Variants in LGALS3 observed in about 807,000 individuals in gnomAD.
The protein encoded by LGALS3 is galectin-3.
LGALS3 carries 18 observed loss-of-function variants against 20.7 expected under a neutral mutation model. That is an observed-to-expected ratio of 0.87 (90% confidence interval 0.60 to 1.29). The LOEUF (loss-of-function observed/expected upper bound fraction) is 1.29, where lower values mean the gene tolerates loss of function less well. Among genes scored for constraint, LGALS3 ranks in the 50% most tolerant of loss-of-function variants. LGALS3 has a pLI of 0.00. For missense variants in LGALS3, 315 were observed against 314.7 expected, an observed-to-expected ratio of 1.00 and a Z score of -0.01; for synonymous variants, 112 against 119.6, an observed-to-expected ratio of 0.94 and a Z score of 0.42.
chr14:55,134,870 T>C (rs1433344406), intron 1 of LGALS3, among the ~76,000 whole-genome samples: 1 of 152,094 alleles, frequency 6.6e-6, no homozygotes, highest in Non-Finnish European at 1.5e-5. Context: ...AAAAGAGATG[T>C]GTGGCTGGAT....
chr14:55,137,409 GTTTC>G lies in LGALS3; in HGVS notation c.18+21_18+24del. ...ATTTTTCGGTAAGTGTTTTATGCCT[GTTTC>G]TTCCCCTTGATCAGCTCCACATGGT... On this transcript the variant is annotated intron_variant, in intron 2 of 5. Transcript: ENST00000254301. 6.2e-7 allele frequency: 1 copy of G among 1,614,180 alleles called. No individual in the cohort carries two copies. Among genetic ancestry groups the G allele is most frequent in the Non-Finnish European group, 8.5e-7 (1 of 1,180,002 alleles).
In LGALS3 at chr14:55,138,056, G is replaced by A. The variant is rs11538648; in HGVS notation, c.30G>A (p.Ala10=). The A allele has an allele frequency of 3.3e-3, 4,884 of 1,500,236 alleles. 12 individuals carry two copies. Among genetic ancestry groups the A allele is most frequent in the Non-Finnish European group, 4.0e-3 (4,478 of 1,125,298 alleles). 92.9% of individuals were successfully genotyped at this position (1,500,236 alleles called of 1,614,324 possible). A position where few individuals can be genotyped will look rare whatever the true frequency, so the allele number is the denominator to read the frequency against. The change falls in exon 3 of 6, where the codon GCG becomes GCA. Residue 10 remains alanine, a synonymous_variant. Coordinates refer to ENST00000254301, the MANE Select transcript of LGALS3 (RefSeq NM_002306.4). ...GTCTTTCTTTCCAGCTCCATGATGC[G>A]TTATCTGGGTCTGGAAACCCAAACC... is the stretch of plus-strand genomic sequence containing the variant. MADNFSLHD[A]LSGSGNPNPQ...
intron 3 of LGALS3, among the ~76,000 whole-genome samples, chr14:55,138,802 C>A (rs545567483): frequency 6.6e-6 from 1 of 152,172 alleles, no homozygotes; most frequent in South Asian, 2.1e-4. Context: ...GTAGAGGAAC[C>A]AGGGTAATCT....
chr14:55,137,914 A>C (rs1364796110), intron 2 of LGALS3, 131 bp from the exon 3 acceptor site: 1 of 1,334,204 alleles, frequency 7.5e-7, no homozygotes, highest in African/African-American at 1.5e-5. Flanking sequence ...TAAGTGGAAA[A>C]AGTTTAATGA....
At chr14:55,139,331 G>A (rs1881535469) in intron 3 of LGALS3, among the ~76,000 whole-genome samples, 1 of 152,146 alleles carries the variant, frequency 6.6e-6, no homozygotes, top group African/African-American at 2.4e-5. Flanking sequence ...GCCCAAACTG[G>A]GAACTCATGA....
At chr14:55,142,879 C>T (rs908873359) in intron 5 of LGALS3, 130 bp downstream of exon 5, 1 of 667,096 alleles carries the variant, frequency 1.5e-6, no homozygotes, top group African/African-American at 1.8e-5. Flanking sequence ...TATCTTCTCC[C>T]TGCCCAGGGG....
At position 55,140,326 on chromosome 14, in the gene LGALS3, A is replaced by C; in HGVS notation, c.394A>C (p.Ile132Leu). ...LPGGVVPRML[I>L]TILGTVKPNA... The stretch of plus-strand genomic sequence containing the variant: ...TGGGGGAGTGGTGCCTCGCATGCTG[A>C]TAACAATTCTGGGCACGGTGAAGCC... Residue 132 changes from isoleucine (I) to leucine (L), a missense_variant, in exon 4 of 6, where the codon ATA becomes CTA. By Grantham distance (5) the Ile-to-Leu change is conservative (BLOSUM62 2). Coordinates refer to ENST00000254301, the MANE Select transcript of LGALS3 (RefSeq NM_002306.4). 6.2e-7 allele frequency: 1 copy of C among 1,613,840 alleles called. No individual in the cohort carries two copies. Among genetic ancestry groups the C allele is most frequent in the Middle Eastern group, 1.6e-4 (1 of 6,062 alleles).
intron 1 of LGALS3, among the ~76,000 whole-genome samples, chr14:55,133,496 A>T (rs891746898): frequency 1.3e-5 from 2 of 151,994 alleles, no homozygotes; most frequent in African/African-American, 4.8e-5. Context: ...TAGGCTGGAC[A>T]TAGGGATGAT....
chr14:55,143,046 T>C (rs1881682767), intron 5 of LGALS3, among the ~76,000 whole-genome samples: 1 of 152,234 alleles, frequency 6.6e-6, no homozygotes, highest in African/African-American at 2.4e-5. Flanking sequence ...AAAGTCTTTA[T>C]GGTACAGTTA....
At chr14:55,133,734 G>A (rs566329206) in intron 1 of LGALS3, among the ~76,000 whole-genome samples, 1 of 152,280 alleles carries the variant, frequency 6.6e-6, no homozygotes, top group African/African-American at 2.4e-5. Context: ...GATCTGCTTT[G>A]TTTCCCAAAC....
chr14:55,145,241 C>T lies in LGALS3; in HGVS notation c.723C>T (p.Asp241=), dbSNP rs1328130565. The stretch of plus-strand genomic sequence containing the variant: ...AACTGGGAATTTCTGGTGACATAGA[C>T]CTCACCAGTGCTTCATATACCATGA... The part of the protein sequence containing the change: ...ISKLGISGDI[D]LTSASYTMI Residue 241 remains aspartate, a synonymous_variant, in exon 6 of 6, where the codon GAC becomes GAT. Transcript: ENST00000254301. The T allele has an allele frequency of 6.2e-7, 1 of 1,613,266 alleles. No homozygotes were observed. The highest frequency in any genetic ancestry group is 2.2e-5 in the East Asian group (1 of 44,842).
intron 3 of LGALS3, among the ~76,000 whole-genome samples, chr14:55,139,875 C>G (rs545429181): frequency 6.6e-6 from 1 of 152,220 alleles, no homozygotes; most frequent in Admixed American, 6.5e-5. Context: ...CATATGAGAA[C>G]CCACAAGCCC....
At chr14:55,131,050 G>A (rs763142920) in intron 1 of LGALS3, among the ~76,000 whole-genome samples, 30 of 152,090 alleles carry the variant, frequency 2.0e-4, no homozygotes, top group Non-Finnish European at 3.7e-4. Context: ...TTGATCTTTG[G>A]GGGACTTAAG....
chr14:55,141,912 G>T (rs1465803026), intron 4 of LGALS3, among the ~76,000 whole-genome samples: 3 of 152,190 alleles, frequency 2.0e-5, no homozygotes, highest in African/African-American at 4.8e-5. Context: ...CAGGGATGGG[G>T]TTAGTCAAAG....
Position 55,138,062 on chromosome 14 carries a change from T to C in LGALS3, c.36T>C (p.Ser12=). 6.6e-7 allele frequency: 1 copy of C among 1,505,198 alleles called. No homozygotes were observed. Among genetic ancestry groups the C allele is most frequent in the Non-Finnish European group, 8.9e-7 (1 of 1,128,032 alleles). The allele number at this position is 1,505,198 out of a possible 1,614,324, so 93.2% of individuals were successfully genotyped here. A position where few individuals can be genotyped will look rare whatever the true frequency, so the allele number is the denominator to read the frequency against. The part of the protein sequence containing the change: ...ADNFSLHDAL[S]GSGNPNPQGW... ...CTTTCCAGCTCCATGATGCGTTATC[T>C]GGGTCTGGAAACCCAAACCCTCAAG... Residue 12 remains serine, a synonymous_variant, in exon 3 of 6, where the codon TCT becomes TCC. Coordinates refer to ENST00000254301, the MANE Select transcript of LGALS3 (RefSeq NM_002306.4).
At chr14:55,137,838 G>C (rs377064913) in intron 2 of LGALS3, 4 of 1,302,674 alleles carry the variant, frequency 3.1e-6, no homozygotes, top group Middle Eastern at 2.9e-4. Flanking sequence ...TGGGAGGCAA[G>C]AATAAAGTGA....
At chr14:55,144,714 G>A (rs749586163) in intron 5 of LGALS3, among the ~76,000 whole-genome samples, 1 of 152,002 alleles carries the variant, frequency 6.6e-6, no homozygotes, top group Non-Finnish European at 1.5e-5. Flanking sequence ...CAAGGTGCCC[G>A]CCACCACAAT....
intron 1 of LGALS3, among the ~76,000 whole-genome samples, chr14:55,133,818 T>C (rs142874155): frequency 9.8e-5 from 15 of 152,366 alleles, no homozygotes; most frequent in African/African-American, 3.4e-4. Flanking sequence ...TATTAAATTA[T>C]GGAAATGCCT....
At chr14:55,142,780 A>T in intron 5 of LGALS3, 31 bp downstream of exon 5, 1 of 1,547,250 alleles carries the variant, frequency 6.5e-7, no homozygotes, top group Non-Finnish European at 8.9e-7. Flanking sequence ...TATATTGATA[A>T]TGTATATTTC....
Sources: allele counts gnomAD v4.1 joint callset (sites outside exome capture counted in the v4.1 genomes callset), GRCh38; gene constraint gnomAD v4.1.1; transcripts MANE v1.5; gene names NCBI Gene and HGNC (gene_info 2026-07-23, HGNC 2026-07-21).